FBXL7: variants seen among roughly 807,000 people sequenced by gnomAD.
FBXL7 encodes the protein F-box and leucine rich repeat protein 7.
FBXL7 carries 12 observed loss-of-function variants against 38.3 expected under a neutral mutation model. That is an observed-to-expected ratio of 0.31 (90% CI 0.20 to 0.51). FBXL7 has a LOEUF of 0.51. Among genes scored for constraint, FBXL7 ranks in the 20% least tolerant of loss-of-function variants. The pLI is 0.98. For synonymous variants in FBXL7, 297 were observed against 300.9 expected (o/e 0.99, Z 0.13); for missense variants, 567 against 676.4 (o/e 0.84, Z 1.79).
intron 2 of FBXL7, among the ~76,000 whole-genome samples, chr5:15,851,879 T>G (rs1739106983): frequency 6.6e-6 from 1 of 151,976 alleles, no homozygotes. Flanking sequence ...TTTTGTAATA[T>G]ATATATTTCC....
chr5:15,885,789 G>A (rs116224665), intron 2 of FBXL7, among the ~76,000 whole-genome samples: 2,039 of 152,198 alleles, frequency 0.013, 45 homozygotes, highest in African/African-American at 0.047. Context: ...GCTCACCACA[G>A]CCTCAATTTC....
chr5:15,919,902 G>T (rs1741694824), intron 2 of FBXL7, among the ~76,000 whole-genome samples: 1 of 152,178 alleles, frequency 6.6e-6, no homozygotes, highest in South Asian at 2.1e-4. Context: ...AATTAGAGAT[G>T]TCAGAACAGT....
intron 2 of FBXL7, among the ~76,000 whole-genome samples, chr5:15,773,214 A>C (rs942569662): frequency 6.6e-6 from 1 of 152,122 alleles, no homozygotes; most frequent in African/African-American, 2.4e-5. Context: ...CCTTCTTTTC[A>C]AGGTCTACTG....
chr5:15,623,009 T>A (rs2126530106), intron 2 of FBXL7, among the ~76,000 whole-genome samples: 1 of 152,168 alleles, frequency 6.6e-6, no homozygotes, highest in Non-Finnish European at 1.5e-5. Context: ...CCAGCAAGGG[T>A]TTGCTTATGA....
At chr5:15,918,697 C>T (rs1017331218) in intron 2 of FBXL7, among the ~76,000 whole-genome samples, 1 of 152,220 alleles carries the variant, frequency 6.6e-6, no homozygotes, top group African/African-American at 2.4e-5. Context: ...CCACCATCCT[C>T]GCCAATTTCC....
intron 1 of FBXL7, among the ~76,000 whole-genome samples, chr5:15,615,123 T>C (rs916070025): frequency 1.3e-5 from 2 of 151,898 alleles, no homozygotes; most frequent in Admixed American, 1.3e-4. Flanking sequence ...GGCAGTAGAG[T>C]GTGGTTCATA....
At position 15,570,268 on chromosome 5, in the gene FBXL7, G is replaced by T. The variant is rs192412081; in HGVS notation, c.38-45715G>T. 9.2e-5 allele frequency among the ~76,000 whole-genome samples: 14 copies of T among 152,216 alleles called. 1 individual carries two copies. In the South Asian group the frequency reaches 1.0e-3, roughly 11 times the overall value. On this transcript the variant is annotated intron_variant, in intron 1 of 3. Transcript: ENST00000504595. ...TATTAATTCTTGCCTCAATTTCAGA[G>T]CCTGTTATTGGTCTATTCAGAGATT...
At position 15,683,432 on chromosome 5, in the gene FBXL7, C is replaced by T. The variant is rs375357083; in HGVS notation, c.127+67360C>T. Among the ~76,000 whole-genome samples the T allele has an allele frequency of 3.7e-4, 56 of 152,220 alleles. 1 individual carries two copies. Among genetic ancestry groups the T allele is most frequent in the African/African-American group, 1.3e-3 (55 of 41,540 alleles). On this transcript the variant is annotated intron_variant, in intron 2 of 3. Transcript: ENST00000504595. ...GGCTGTGCTCTCCGTCACCCCCAGGCGGAGCTCTGCCAAGATTTCTGCCTA... is the reference window on the plus strand; with the variant it reads ...GGCTGTGCTCTCCGTCACCCCCAGGTGGAGCTCTGCCAAGATTTCTGCCTA...
intron 1 of FBXL7, among the ~76,000 whole-genome samples, chr5:15,512,628 A>C (rs1432670031): frequency 6.6e-6 from 1 of 152,214 alleles, no homozygotes; most frequent in Non-Finnish European, 1.5e-5. Flanking sequence ...TTGTATCAAC[A>C]TAATTACACC....
intron 2 of FBXL7, among the ~76,000 whole-genome samples, chr5:15,732,321 G>T (rs1395847017): frequency 6.6e-6 from 1 of 151,842 alleles, no homozygotes; most frequent in Non-Finnish European, 1.5e-5. Context: ...TAAAACAGGA[G>T]AAGCTTGATC....
At chr5:15,524,817 T>C (rs1737204922) in intron 1 of FBXL7, among the ~76,000 whole-genome samples, 3 of 152,236 alleles carry the variant, frequency 2.0e-5, no homozygotes, top group Admixed American at 1.3e-4. Flanking sequence ...TCTGCAGCTA[T>C]TGTACATTGA....
At chr5:15,678,846 ATC>A (rs1742746911) in intron 2 of FBXL7, among the ~76,000 whole-genome samples, 1 of 152,136 alleles carries the variant, frequency 6.6e-6, no homozygotes, top group Non-Finnish European at 1.5e-5. Context: ...AGTCCATTAA[ATC>A]TCTTTCTCTA....
intron 2 of FBXL7, among the ~76,000 whole-genome samples, chr5:15,915,593 T>A (rs1343268334): frequency 6.6e-6 from 1 of 152,224 alleles, no homozygotes; most frequent in Admixed American, 6.5e-5. Flanking sequence ...TCAATAGACC[T>A]TATTTCCAAA....
At chr5:15,922,206 CGGTCCT>C (rs1436941146) in intron 2 of FBXL7, among the ~76,000 whole-genome samples, 2 of 151,202 alleles carry the variant, frequency 1.3e-5, no homozygotes, top group Non-Finnish European at 2.9e-5. Flanking sequence ...AAAAAGGAGG[CGGTCCT>C]GCCATTTTCC....
At chr5:15,660,538 G>A (rs4702093) in intron 2 of FBXL7, among the ~76,000 whole-genome samples, 118,821 of 152,042 alleles carry the variant, frequency 0.78, 46,515 homozygotes, top group East Asian at 0.87. Flanking sequence ...GTATTTTTTT[G>A]GTAGAGACGG....
At chr5:15,534,172 A>G (rs1737515968) in intron 1 of FBXL7, among the ~76,000 whole-genome samples, 1 of 152,148 alleles carries the variant, frequency 6.6e-6, no homozygotes, top group Non-Finnish European at 1.5e-5. Context: ...CTACATTGAC[A>G]CATCATTATC....
chr5:15,662,615 G>C (rs1329822530), intron 2 of FBXL7, among the ~76,000 whole-genome samples: 2 of 152,126 alleles, frequency 1.3e-5, no homozygotes, highest in African/African-American at 4.8e-5. Context: ...TTGTCTTCCA[G>C]GGTTTTTACA....
intron 2 of FBXL7, among the ~76,000 whole-genome samples, chr5:15,791,095 A>G (rs1388357785): frequency 6.7e-6 from 1 of 149,176 alleles, no homozygotes; most frequent in East Asian, 2.0e-4. Context: ...TATTGCATGT[A>G]TCTAAGCCTT....
intron 2 of FBXL7, among the ~76,000 whole-genome samples, chr5:15,762,472 C>G (rs1736475576): frequency 6.6e-6 from 1 of 152,070 alleles, no homozygotes. Context: ...ATGAGCAGTT[C>G]CAGTCTAGGT....
Sources: gnomAD v4.1 joint callset for allele counts (sites outside exome capture counted in the v4.1 genomes callset) on GRCh38, gnomAD v4.1.1 for gene constraint, MANE v1.5 for transcripts, NCBI Gene and HGNC (gene_info 2026-07-23, HGNC 2026-07-21) for gene names.